Variants in ENAH observed in about 807,000 individuals in gnomAD.
ENAH encodes the protein ENAH actin regulator, also known as protein enabled homolog.
In ENAH, 23 loss-of-function variants were observed where a neutral mutation model predicts 78.7. That is an observed-to-expected ratio of 0.29 (90% CI 0.21 to 0.41). The LOEUF is 0.41. ENAH is among the 10% of genes least tolerant of loss of function. The pLI, the probability that ENAH is intolerant of heterozygous loss-of-function variation, is 1.00. For missense variants in ENAH, 544 were observed against 691.0 expected (o/e 0.79, Z 2.39); for synonymous variants, 226 against 241.0 (o/e 0.94, Z 0.58).
chr1:225,518,904 T>G (rs2096443130), intron 5 of ENAH: 1 of 356,804 alleles, frequency 2.8e-6, no homozygotes, highest in Non-Finnish European at 5.0e-6. Flanking sequence ...TATAAAAAAT[T>G]TCCCATAAAA....
rs2096247195 is a variant in ENAH at position 225,495,732 on chromosome 1, A to G, written c.*2043T>C. ...TGCATAACCAAAAGTACAATAATAA[A>G]GATGAAAATGCCTCCTATTTCTTTT... On this transcript the variant is annotated 3_prime_UTR_variant, in exon 14 of 14. Coordinates refer to ENST00000366843, the MANE Select transcript of ENAH (RefSeq NM_018212.6). 1 of 152,532 alleles carries G rather than the reference A, an allele frequency of 6.6e-6. No homozygotes were observed. The highest frequency in any genetic ancestry group is 6.5e-5 in the Admixed American group (1 of 15,280). 9.4% of individuals were successfully genotyped at this position (152,532 alleles called of 1,614,324 possible).
At chr1:225,630,818 G>A (rs1272127651) in intron 1 of ENAH, among the ~76,000 whole-genome samples, 1 of 152,070 alleles carries the variant, frequency 6.6e-6, no homozygotes, top group Admixed American at 6.6e-5. Context: ...AACTTCTGAT[G>A]TTCAAATTAT....
rs528822 is a variant in ENAH, at chr1:225,558,821, G to A, written c.172-3738C>T. Among the ~76,000 whole-genome samples the A allele has an allele frequency of 2.6e-5, 4 of 151,938 alleles. No homozygotes were observed. The East Asian group carries it at 7.8e-4, about 29-fold the overall frequency. ...GCTAATTTTTTGTATTTTTAGTAGA[G>A]ACAGAGTTTCACCATGTTAGCCAGG... On this transcript the variant is annotated intron_variant, in intron 2 of 13. Coordinates refer to ENST00000366843, the MANE Select transcript of ENAH (RefSeq NM_018212.6).
At position 225,652,704 on chromosome 1, in the gene ENAH, C is replaced by G. The variant is rs1663269731; in HGVS notation, c.-14G>C. On this transcript the variant is annotated 5_prime_UTR_variant, in exon 1 of 14. Coordinates refer to ENST00000366843, the MANE Select transcript of ENAH (RefSeq NM_018212.6). ...CCCTCACCTCATGGTGCCGGCGGCG[C>G]AGAGGCTTCCCCACCAGCCGGGAGA... The G allele has an allele frequency of 2.3e-6, 3 of 1,320,386 alleles. No homozygotes were observed. In the African/African-American group the frequency reaches 4.6e-5, roughly 20 times the overall value. 81.8% of individuals were successfully genotyped at this position (1,320,386 alleles called of 1,614,324 possible). A position where few individuals can be genotyped will look rare whatever the true frequency, so the allele number is the denominator to read the frequency against.
chr1:225,558,913 G>A (rs144312238), intron 2 of ENAH, among the ~76,000 whole-genome samples: 11,799 of 152,094 alleles, frequency 0.078, 575 homozygotes, highest in Admixed American at 0.14. Context: ...GATTACAGGC[G>A]TAAGCCACTG....
At chr1:225,555,468 G>C (rs1295631906) in intron 2 of ENAH, among the ~76,000 whole-genome samples, 1 of 151,858 alleles carries the variant, frequency 6.6e-6, no homozygotes, top group Non-Finnish European at 1.5e-5. Context: ...TGTAGTCCCA[G>C]CTACTCGGGA....
rs79946774 is a variant in ENAH at position 225,616,331 on chromosome 1, T to TAAAAA, written c.5+36350_5+36354dup. On this transcript the variant is annotated intron_variant, in intron 1 of 13. Transcript: ENST00000366843. ...CACCCAAGAATGATCAATAAATACT[T>TAAAAA]AAAAAAAAAAAAAAAGAGTAATACT... 3.1e-4 allele frequency among the ~76,000 whole-genome samples: 39 copies of TAAAAA among 126,738 alleles called. No individual in the cohort carries two copies. In the East Asian group the frequency reaches 6.9e-3, roughly 23 times the overall value. The allele number at this position is 126,738 out of a possible 152,430, so 83.1% of individuals were successfully genotyped here.
At chr1:225,622,578 G>A (rs973836987) in intron 1 of ENAH, among the ~76,000 whole-genome samples, 2 of 152,168 alleles carry the variant, frequency 1.3e-5, no homozygotes, top group African/African-American at 2.4e-5. Flanking sequence ...GGAAGTCCAA[G>A]ATCAAATTGC....
chr1:225,639,871 T>A (rs1660725009), intron 1 of ENAH, among the ~76,000 whole-genome samples: 1 of 152,156 alleles, frequency 6.6e-6, no homozygotes, highest in South Asian at 2.1e-4. Flanking sequence ...ACCCGTGTCC[T>A]CAAAGACATC....
chr1:225,514,778 C>A lies in ENAH; in HGVS notation c.1036G>T (p.Gly346Trp). 1.1e-6 allele frequency: 1 copy of A among 884,992 alleles called. No homozygotes were observed. The highest frequency in any genetic ancestry group is 1.4e-6 in the Non-Finnish European group (1 of 731,036). 54.8% of individuals were successfully genotyped at this position (884,992 alleles called of 1,614,324 possible). A position where few individuals can be genotyped will look rare whatever the true frequency, so the allele number is the denominator to read the frequency against. Reference sequence around the variant, plus strand: ...GGGGGAGGAGGGGGCGGTGGAGGCCCGGTGGATGGGAGTGGAGGAGGTGGA... The same window carrying A: ...GGGGGAGGAGGGGGCGGTGGAGGCCAGGTGGATGGGAGTGGAGGAGGTGGA... The part of the protein sequence containing the change: ...PPPPPPLPST[G>W]PPPPPPPPPL... The change falls in exon 7 of 14, where the codon GGG (glycine) becomes TGG (tryptophan). Residue 346 changes from glycine to tryptophan, a missense_variant. By Grantham distance (184) the Gly-to-Trp change is radical (BLOSUM62 -2). Around this residue, in one of 4 missense-constraint regions of ENAH, gnomAD observed 366 missense variants for 396.1 expected, o/e 0.92. Transcript: ENST00000366843.
At chr1:225,624,451 GC>G (rs1323697278) in intron 1 of ENAH, among the ~76,000 whole-genome samples, 21 of 151,960 alleles carry the variant, frequency 1.4e-4, no homozygotes, top group African/African-American at 5.1e-4. Context: ...TGGTGAAACC[GC>G]GTCTATACTA....
intron 1 of ENAH, among the ~76,000 whole-genome samples, chr1:225,569,407 T>C (rs1295397994): frequency 6.6e-6 from 1 of 152,172 alleles, no homozygotes; most frequent in East Asian, 1.9e-4. Context: ...CAAACCAACA[T>C]GGCACACGTA....
chr1:225,617,305 C>G (rs757731775), intron 1 of ENAH, among the ~76,000 whole-genome samples: 1 of 152,014 alleles, frequency 6.6e-6, no homozygotes, highest in Non-Finnish European at 1.5e-5. Context: ...ACAACCTAAC[C>G]AAATAAGCAA....
intron 3 of ENAH, among the ~76,000 whole-genome samples, 170 bp downstream of exon 3, chr1:225,554,736 T>C (rs778558591): frequency 1.3e-5 from 2 of 152,232 alleles, no homozygotes; most frequent in Non-Finnish European, 2.9e-5. Context: ...CACATTTCTA[T>C]AGAAAATAAA....
At chr1:225,517,431 C>T (rs557593601) in intron 5 of ENAH, 125 bp from the exon 6 acceptor site, 27 of 1,551,638 alleles carry the variant, frequency 1.7e-5, no homozygotes, top group South Asian at 3.6e-5. Context: ...GTGGAGGCGG[C>T]GGCGGAGGAG....
At chr1:225,561,612 T>C (rs925922628) in intron 2 of ENAH, among the ~76,000 whole-genome samples, 3 of 18,530 alleles carry the variant, frequency 1.6e-4, no homozygotes, top group Non-Finnish European at 3.9e-4. Flanking sequence ...CAGAGTGAGA[T>C]TCCGTCTTAA....
At chr1:225,581,616 GTTCTGC>G (rs1490056272) in intron 1 of ENAH, among the ~76,000 whole-genome samples, 1 of 152,098 alleles carries the variant, frequency 6.6e-6, no homozygotes, top group Non-Finnish European at 1.5e-5. Context: ...AGCAGGGAGG[GTTCTGC>G]TTCTGGCCAA....
chr1:225,585,699 G>A (rs1012195164), intron 1 of ENAH, among the ~76,000 whole-genome samples: 1 of 152,146 alleles, frequency 6.6e-6, no homozygotes, highest in Non-Finnish European at 1.5e-5. Context: ...TGAGGTGGGA[G>A]AATTGCTTGA....
At chr1:225,575,757 T>C (rs1397563770) in intron 1 of ENAH, among the ~76,000 whole-genome samples, 1 of 152,132 alleles carries the variant, frequency 6.6e-6, no homozygotes, top group African/African-American at 2.4e-5. Flanking sequence ...GTGCATATCA[T>C]CTCTACCAAT....
Sources: allele counts gnomAD v4.1 joint callset (sites outside exome capture counted in the v4.1 genomes callset), GRCh38; gene constraint gnomAD v4.1.1; regional missense constraint gnomAD v4.1.1; transcripts MANE v1.5; gene names NCBI Gene and HGNC (gene_info 2026-07-23, HGNC 2026-07-21).